Variants in MYH15 observed in about 807,000 individuals in gnomAD.
MYH15 encodes the protein myosin heavy chain 15.
A neutral mutation model predicts 240.5 loss-of-function variants in MYH15; 227 were observed. The observed-to-expected ratio is 0.94, with a 90% CI of 0.85 to 1.05. MYH15 has a LOEUF of 1.05. Ranked by LOEUF, MYH15 falls within the 50% of genes least tolerant of loss-of-function variation. The pLI is 0.00. For synonymous variants in MYH15, 785 were observed against 796.7 expected (o/e 0.99, Z 0.25); for missense variants, 2,217 against 2,247.5 (o/e 0.99, Z 0.27).
At chr3:108,458,977 C>T (rs1002454026) in intron 18 of MYH15, among the ~76,000 whole-genome samples, 1 of 152,068 alleles carries the variant, frequency 6.6e-6, no homozygotes, top group African/African-American at 2.4e-5. Context: ...TAACTCAGAC[C>T]AAATAACTTC....
chr3:108,408,349 T>G lies in MYH15; in HGVS notation c.4551A>C (p.Glu1517Asp). 1 of 1,613,650 alleles carries G rather than the reference T, an allele frequency of 6.2e-7. No homozygotes were observed. Among genetic ancestry groups the G allele is most frequent in the East Asian group, 2.2e-5 (1 of 44,868 alleles). Reference protein sequence around the residue: ...QVREGTKNLTEMEKVKKLIEE... With the variant: ...QVREGTKNLTDMEKVKKLIEE... ...CAATTAGTTTCTTGACCTTTTCCAT[T>G]TCAGTTAAGTTCTTGGTCCCTTCTC... The change falls in exon 32 of 41, where the codon GAA becomes GAC. Residue 1517 changes from glutamate (E) to aspartate (D), a missense_variant. Coordinates refer to ENST00000693548, the MANE Select transcript of MYH15 (RefSeq NM_014981.3).
At chr3:108,437,402 A>G (rs2082847856) in intron 25 of MYH15, 152 bp downstream of exon 25, 2 of 989,086 alleles carry the variant, frequency 2.0e-6, no homozygotes, top group Non-Finnish European at 2.9e-6. Flanking sequence ...AAAGTCCAGT[A>G]AAGAAAAAAA....
intron 1 of MYH15, among the ~76,000 whole-genome samples, chr3:108,528,449 G>A (rs906544174): frequency 5.3e-5 from 8 of 152,134 alleles, no homozygotes; most frequent in Non-Finnish European, 8.8e-5. Context: ...TGAGATTACA[G>A]ACACACTAAA....
chr3:108,535,758 G>A, the MYH15 span, among the ~76,000 whole-genome samples: 8 of 151,878 alleles, frequency 5.3e-5, no homozygotes, highest in African/African-American at 9.7e-5. Context: ...TAACTGTTTC[G>A]ACTTATTATT....
chr3:108,456,991 T>C (rs1384279210), intron 18 of MYH15, 108 bp from the exon 19 acceptor site: 13 of 770,756 alleles, frequency 1.7e-5, no homozygotes, highest in East Asian at 2.5e-5. Flanking sequence ...CTGAATTGGA[T>C]AGTTTCCACA....
chr3:108,426,250 T>C lies in MYH15; in HGVS notation c.3702+2242A>G, dbSNP rs77043468. 2.2e-3 allele frequency among the ~76,000 whole-genome samples: 322 copies of C among 146,800 alleles called. 2 individuals carry two copies. The highest frequency in any genetic ancestry group is 7.5e-3 in the African/African-American group (299 of 39,914). On this transcript the variant is annotated intron_variant, in intron 27 of 40. Coordinates refer to ENST00000693548, the MANE Select transcript of MYH15 (RefSeq NM_014981.3). The stretch of plus-strand genomic sequence containing the variant: ...AGGACATAGACAACCAAACATTTGA[T>C]AAGGAAATTAGTAGGGATAGAAAGA...
chr3:108,437,502 C>A, intron 25 of MYH15, 52 bp downstream of exon 25: 1 of 1,566,362 alleles, frequency 6.4e-7, no homozygotes, highest in South Asian at 1.2e-5. Context: ...GAAAGCTGTT[C>A]CTTCTAATAT....
At chr3:108,535,826 CCA>C in the MYH15 span, among the ~76,000 whole-genome samples, 2 of 152,132 alleles carry the variant, frequency 1.3e-5, no homozygotes, top group African/African-American at 4.8e-5. Context: ...CAAACAAAAA[CCA>C]CACACACATC....
At chr3:108,451,819 T>C (rs1021215609) in intron 21 of MYH15, among the ~76,000 whole-genome samples, 2 of 152,130 alleles carry the variant, frequency 1.3e-5, no homozygotes, top group Non-Finnish European at 2.9e-5. Flanking sequence ...CCAAAGTAAG[T>C]TTAACATTTT....
Position 108,389,081 on chromosome 3 carries a change from C to A in MYH15, c.5431-7G>T, listed in dbSNP as rs114502755. 1,361 of 1,613,446 alleles carry A rather than the reference C, an allele frequency of 8.4e-4. 11 individuals are homozygous for A. In the African/African-American group the frequency reaches 0.016, roughly 19 times the overall value. ...CACCTTCCAGTTCACGAACCTGCAA[C>A]CAAAACGTGACCTCAGACCAGACGC... is the stretch of plus-strand genomic sequence containing the variant. On this transcript the variant is annotated splice_region_variant and splice_polypyrimidine_tract_variant and intron_variant, in intron 37 of 40. Transcript: ENST00000693548.
In MYH15 at chr3:108,385,909, G is replaced by A. The variant is rs111894581; in HGVS notation, c.5536-1127C>T. On this transcript the variant is annotated intron_variant, in intron 38 of 40. Transcript: ENST00000693548. ...TTCTCATCATCTGGAATGCTCCCCC[G>A]CCACACACACCACCACCTTAAAGTA... is the stretch of plus-strand genomic sequence containing the variant. Among the ~76,000 whole-genome samples, 273 of 151,854 alleles carry A rather than the reference G, an allele frequency of 1.8e-3. 1 individual carries two copies. Among genetic ancestry groups the A allele is most frequent in the African/African-American group, 6.2e-3 (257 of 41,390 alleles).
intron 34 of MYH15, 48 bp from the exon 35 acceptor site, chr3:108,398,888 C>A (rs762861054): frequency 6.4e-7 from 1 of 1,565,802 alleles, no homozygotes; most frequent in Admixed American, 1.7e-5. Context: ...CTGAGTTCAA[C>A]ATAGACTATG....
intron 13 of MYH15, 76 bp from the exon 14 acceptor site, chr3:108,470,288 A>G: frequency 2.9e-6 from 3 of 1,043,730 alleles, no homozygotes; most frequent in Non-Finnish European, 4.2e-6. Flanking sequence ...TCCAGTAAAG[A>G]AAAAACCATA....
At chr3:108,529,972 T>C (rs1453183698), upstream of MYH15, among the ~76,000 whole-genome samples, 2 of 152,140 alleles carry the variant, frequency 1.3e-5, no homozygotes, top group African/African-American at 4.8e-5. Context: ...AAGTCATCAG[T>C]AGTGTAGTGA....
rs2082369144 is a variant in MYH15 at position 108,384,767 on chromosome 3, T to G, written c.5551A>C (p.Lys1851Gln). Reference protein sequence around the residue: ...ELTYQAEEDKKNLSRMQTQMD... With the variant: ...ELTYQAEEDKQNLSRMQTQMD... ...TGAGTTTGCATCCTGCTCAGATTCT[T>G]CTTGTCTTCCTCTGCCTGCAATACA... Residue 1851 changes from lysine (K) to glutamine (Q), a missense_variant, in exon 39 of 41, where the codon AAG becomes CAG. Physicochemically the swap from Lys to Gln is moderately conservative, Grantham distance 53. Transcript: ENST00000693548. 4 of 1,613,646 alleles carry G rather than the reference T, an allele frequency of 2.5e-6. No individual in the cohort carries two copies. Among genetic ancestry groups the G allele is most frequent in the African/African-American group, 2.7e-5 (2 of 74,896 alleles).
At chr3:108,420,206 A>G (rs1263164904) in intron 28 of MYH15, among the ~76,000 whole-genome samples, 1 of 152,206 alleles carries the variant, frequency 6.6e-6, no homozygotes, top group Non-Finnish European at 1.5e-5. Flanking sequence ...TATTTATCAA[A>G]TGTTTATGGA....
At chr3:108,511,265 G>A (rs1057074306), upstream of MYH15, among the ~76,000 whole-genome samples, 1 of 152,170 alleles carries the variant, frequency 6.6e-6, no homozygotes, top group Non-Finnish European at 1.5e-5. Flanking sequence ...GCAGAGATAA[G>A]TGTCTGGGAG....
intron 22 of MYH15, 84 bp from the exon 23 acceptor site, chr3:108,441,344 G>C: frequency 5.4e-6 from 8 of 1,485,028 alleles, no homozygotes; most frequent in Non-Finnish European, 7.4e-6. Flanking sequence ...ACACAGCAAA[G>C]AGATAATTGC....
chr3:108,414,565 T>C (rs948159383), intron 29 of MYH15, 137 bp from the exon 30 acceptor site: 1 of 680,104 alleles, frequency 1.5e-6, no homozygotes, highest in African/African-American at 1.8e-5. Flanking sequence ...CCTAGTAAGA[T>C]AACACTAGGG....
Sources: allele counts gnomAD v4.1 joint callset (sites outside exome capture counted in the v4.1 genomes callset), GRCh38; gene constraint gnomAD v4.1.1; transcripts MANE v1.5; gene names NCBI Gene and HGNC (gene_info 2026-07-23, HGNC 2026-07-21).